The following FARS2 variants were observed in gnomAD, a reference collection of about 807,000 sequenced individuals.
FARS2 encodes the protein phenylalanyl-tRNA synthetase 2, mitochondrial.
FARS2 carries 40 observed loss-of-function variants against 46.4 expected under a neutral mutation model. The observed-to-expected ratio is 0.86, with a 90% CI of 0.67 to 1.12. FARS2 has a LOEUF of 1.12. Among genes scored for constraint, FARS2 ranks in the 50% most tolerant of loss-of-function variants. The pLI, the probability that FARS2 is intolerant of heterozygous loss-of-function variation, is 0.00. For synonymous variants in FARS2, 234 were observed against 214.9 expected, an observed-to-expected ratio of 1.09 and a Z score of -0.78; for missense variants, 513 against 567.9, an observed-to-expected ratio of 0.90 and a Z score of 0.98.
At chr6:5,496,347 A>G (rs1767463530) in intron 4 of FARS2, among the ~76,000 whole-genome samples, 1 of 152,224 alleles carries the variant, frequency 6.6e-6, no homozygotes, top group African/African-American at 2.4e-5. Context: ...CAAGGTGTTC[A>G]GCATTCAGAA....
At chr6:5,321,601 T>A (rs1456642848) in intron 1 of FARS2, among the ~76,000 whole-genome samples, 1 of 151,388 alleles carries the variant, frequency 6.6e-6, no homozygotes, top group African/African-American at 2.4e-5. Context: ...CTAAGCTTTG[T>A]TGTATCTACT....
intron 6 of FARS2, among the ~76,000 whole-genome samples, chr6:5,768,229 A>T (rs1473663739): frequency 6.6e-6 from 1 of 152,256 alleles, no homozygotes; most frequent in Non-Finnish European, 1.5e-5. Context: ...TATTGAATTC[A>T]ACAGAATCAC....
chr6:5,444,708 T>C lies in FARS2; in HGVS notation c.904+13536T>C, dbSNP rs742063. On this transcript the variant is annotated intron_variant, in intron 4 of 6. Transcript: ENST00000274680. ...TATATAAATTAGATGGATGGCTGTG[T>C]GGGTGGGTGGACCCCCCACTCCTCA... Among the ~76,000 whole-genome samples, 1,466 of 152,188 alleles carry C rather than the reference T, an allele frequency of 9.6e-3. 26 individuals are homozygous for C. Among genetic ancestry groups the C allele is most frequent in the African/African-American group, 0.033 (1,373 of 41,494 alleles).
intron 4 of FARS2, among the ~76,000 whole-genome samples, chr6:5,439,310 C>A (rs185556363): frequency 6.9e-4 from 105 of 152,302 alleles, no homozygotes; most frequent in Non-Finnish European, 1.2e-3. Context: ...TTCTCTACCC[C>A]AAGATCATAC....
the FARS2 span, among the ~76,000 whole-genome samples, chr6:5,252,376 C>A: frequency 6.6e-6 from 1 of 152,176 alleles, no homozygotes; most frequent in Non-Finnish European, 1.5e-5. Context: ...TGCCTTGAAA[C>A]CTATTTCGTT....
At chr6:5,671,703 A>G (rs938574901) in intron 6 of FARS2, among the ~76,000 whole-genome samples, 5 of 152,192 alleles carry the variant, frequency 3.3e-5, no homozygotes, top group African/African-American at 1.2e-4. Context: ...TTAACCTTTA[A>G]AGATGTTGCC....
chr6:5,697,757 A>G (rs1254509047), intron 6 of FARS2, among the ~76,000 whole-genome samples: 2 of 152,346 alleles, frequency 1.3e-5, no homozygotes, highest in South Asian at 2.1e-4. Context: ...GCAGACTTCA[A>G]ATATCTCATT....
At chr6:5,349,591 C>T (rs559719787) in intron 1 of FARS2, among the ~76,000 whole-genome samples, 2 of 152,282 alleles carry the variant, frequency 1.3e-5, no homozygotes, top group African/African-American at 2.4e-5. Context: ...TTACTAATGT[C>T]TTCAATTAGC....
intron 1 of FARS2, among the ~76,000 whole-genome samples, chr6:5,365,667 C>G (rs998602783): frequency 6.6e-6 from 1 of 151,836 alleles, no homozygotes; most frequent in Non-Finnish European, 1.5e-5. Flanking sequence ...ATGCACTTGA[C>G]CCCTGGACAA....
intron 4 of FARS2, among the ~76,000 whole-genome samples, chr6:5,497,824 C>G (rs375115633): frequency 2.0e-5 from 3 of 152,116 alleles, no homozygotes; most frequent in East Asian, 3.9e-4. Flanking sequence ...CTCCTCTACC[C>G]TAAATAAGTA....
chr6:5,287,032 C>T (rs370055586), intron 1 of FARS2, among the ~76,000 whole-genome samples: 80 of 152,342 alleles, frequency 5.3e-4, no homozygotes, highest in Middle Eastern at 3.4e-3. Flanking sequence ...GCCATTGCCC[C>T]GTGGCTTGGC....
At chr6:5,757,312 A>G (rs1320126127) in intron 6 of FARS2, among the ~76,000 whole-genome samples, 10 of 152,148 alleles carry the variant, frequency 6.6e-5, no homozygotes, top group African/African-American at 2.4e-4. Context: ...TACTTGTTCC[A>G]AGTTGCTGAC....
intron 1 of FARS2, chr6:5,291,060 C>G (rs1767468415): frequency 1.3e-5 from 2 of 152,200 alleles, no homozygotes; most frequent in African/African-American, 4.8e-5. Flanking sequence ...CAAATGTCTT[C>G]TTGAAGCATA....
chr6:5,621,763 G>C (rs1438662158), intron 6 of FARS2, among the ~76,000 whole-genome samples: 1 of 152,140 alleles, frequency 6.6e-6, no homozygotes, highest in Non-Finnish European at 1.5e-5. Context: ...ACTCATGGTG[G>C]GTACTTTAAG....
intron 6 of FARS2, among the ~76,000 whole-genome samples, chr6:5,767,237 G>A (rs1040601629): frequency 2.0e-5 from 3 of 151,946 alleles, no homozygotes; most frequent in Admixed American, 2.0e-4. Context: ...TGTATTTTTA[G>A]TAGAGACGGG....
intron 5 of FARS2, among the ~76,000 whole-genome samples, chr6:5,548,269 A>G (rs113102939): frequency 1.3e-5 from 2 of 152,178 alleles, no homozygotes; most frequent in African/African-American, 4.8e-5. Flanking sequence ...CAGCCAAACC[A>G]TATCATCAAC....
At chr6:5,251,394 C>T in the FARS2 span, among the ~76,000 whole-genome samples, 5 of 152,172 alleles carry the variant, frequency 3.3e-5, no homozygotes, top group Admixed American at 1.3e-4. Context: ...GTTTAATTGG[C>T]TCACAGTTCT....
At chr6:5,333,563 A>G (rs977287383) in intron 1 of FARS2, among the ~76,000 whole-genome samples, 1 of 152,230 alleles carries the variant, frequency 6.6e-6, no homozygotes, top group Admixed American at 6.5e-5. Context: ...TATTTTAGAT[A>G]GTATGGACAT....
At chr6:5,594,664 C>G (rs7768493) in intron 5 of FARS2, among the ~76,000 whole-genome samples, 13,819 of 152,110 alleles carry the variant, frequency 0.091, 930 homozygotes, top group East Asian at 0.27. Flanking sequence ...AACTTAAAAC[C>G]TCAGTGGAGG....
Sources: allele counts gnomAD v4.1 joint callset (sites outside exome capture counted in the v4.1 genomes callset), GRCh38; gene constraint gnomAD v4.1.1; transcripts MANE v1.5; gene names NCBI Gene and HGNC (gene_info 2026-07-23, HGNC 2026-07-21).